LRMDA: variants seen among roughly 807,000 people sequenced by gnomAD.
LRMDA encodes the protein leucine rich melanocyte differentiation associated.
LRMDA carries 18 observed loss-of-function variants against 29.8 expected under a neutral mutation model. That is an observed-to-expected ratio of 0.60 (90% CI 0.42 to 0.90). The LOEUF (loss-of-function observed/expected upper bound fraction) is 0.90, where lower values mean the gene tolerates loss of function less well. LRMDA is among the 40% of genes least tolerant of loss of function. LRMDA has a pLI of 0.00. For missense variants in LRMDA, 273 were observed against 273.9 expected, an observed-to-expected ratio of 1.00 and a Z score of 0.02; for synonymous variants, 125 against 109.4, an observed-to-expected ratio of 1.14 and a Z score of -0.89.
At chr10:76,514,627 C>T (rs1292846024) in intron 6 of LRMDA, among the ~76,000 whole-genome samples, 1 of 152,082 alleles carries the variant, frequency 6.6e-6, no homozygotes, top group African/African-American at 2.4e-5. Flanking sequence ...CCAATTTTTG[C>T]ATTATTTGAA....
At chr10:75,699,753 C>T (rs1376454138) in intron 2 of LRMDA, among the ~76,000 whole-genome samples, 3 of 152,116 alleles carry the variant, frequency 2.0e-5, no homozygotes, top group Non-Finnish European at 4.4e-5. Context: ...TGAATGTTAC[C>T]TTATATGGAA....
intron 2 of LRMDA, among the ~76,000 whole-genome samples, chr10:75,777,167 C>G (rs573976239): frequency 6.6e-6 from 1 of 152,286 alleles, no homozygotes; most frequent in Admixed American, 6.5e-5. Context: ...GGCTGCCGAG[C>G]TGTGCAGGGC....
chr10:76,077,254 G>A (rs962926288), intron 5 of LRMDA, among the ~76,000 whole-genome samples: 3 of 152,200 alleles, frequency 2.0e-5, no homozygotes, highest in African/African-American at 7.2e-5. Context: ...CTACTTAGAG[G>A]TGATGGCGAC....
intron 5 of LRMDA, among the ~76,000 whole-genome samples, chr10:76,162,170 A>T (rs1378360478): frequency 6.6e-6 from 1 of 152,100 alleles, no homozygotes; most frequent in African/African-American, 2.4e-5. Flanking sequence ...TTACTTTGGG[A>T]TAGAATTAAA....
At chr10:76,470,883 A>G (rs997083358) in intron 6 of LRMDA, among the ~76,000 whole-genome samples, 4 of 151,972 alleles carry the variant, frequency 2.6e-5, no homozygotes, top group African/African-American at 7.2e-5. Flanking sequence ...AAATGTACCT[A>G]ACACCACTGA....
chr10:75,796,329 A>G (rs1033240215), intron 2 of LRMDA, among the ~76,000 whole-genome samples: 3 of 152,174 alleles, frequency 2.0e-5, no homozygotes, highest in African/African-American at 4.8e-5. Flanking sequence ...AAGTTCTTAC[A>G]TGCCTTTTAT....
chr10:75,625,459 C>G (rs1185164980), intron 2 of LRMDA, among the ~76,000 whole-genome samples: 1 of 152,138 alleles, frequency 6.6e-6, no homozygotes, highest in Non-Finnish European at 1.5e-5. Flanking sequence ...GAGATATTCT[C>G]AAGACTCCAG....
At chr10:75,905,134 G>C (rs192080586) in intron 2 of LRMDA, among the ~76,000 whole-genome samples, 7 of 152,192 alleles carry the variant, frequency 4.6e-5, no homozygotes, top group Admixed American at 2.6e-4. Flanking sequence ...GTTTTACTCG[G>C]CTATCTGATA....
chr10:75,828,927 G>A (rs567806383), intron 2 of LRMDA, among the ~76,000 whole-genome samples: 6 of 152,280 alleles, frequency 3.9e-5, no homozygotes, highest in East Asian at 1.9e-4. Flanking sequence ...AAACAAGGGG[G>A]TGGGAAAAGC....
intron 2 of LRMDA, among the ~76,000 whole-genome samples, chr10:75,600,113 G>A (rs559456784): frequency 6.6e-6 from 1 of 152,216 alleles, no homozygotes; most frequent in East Asian, 1.9e-4. Flanking sequence ...AGGTCTGCCA[G>A]TGTCTTTTCT....
chr10:76,463,917 A>ATTTTTTTTTTTTTTTTTTTTTTT (rs763472626), intron 6 of LRMDA, among the ~76,000 whole-genome samples: 1 of 112,884 alleles, frequency 8.9e-6, no homozygotes, highest in Non-Finnish European at 1.8e-5. Context: ...TGCAAAATAA[A>ATTTTTTTTTTTTTTTTTTTTTTT]TTTTTTTTTT....
intron 2 of LRMDA, among the ~76,000 whole-genome samples, chr10:75,989,143 G>A (rs1008586069): frequency 6.6e-6 from 1 of 152,186 alleles, no homozygotes; most frequent in East Asian, 1.9e-4. Flanking sequence ...GGTATCCCTG[G>A]CATCTGACAC....
intron 2 of LRMDA, among the ~76,000 whole-genome samples, chr10:75,692,825 C>T (rs1423732113): frequency 2.6e-5 from 4 of 152,022 alleles, no homozygotes; most frequent in Non-Finnish European, 2.9e-5. Context: ...CAGAATGCCA[C>T]GTGTGTGTGC....
chr10:75,610,403 T>G (rs1841013089), intron 2 of LRMDA, among the ~76,000 whole-genome samples: 1 of 150,954 alleles, frequency 6.6e-6, no homozygotes, highest in Non-Finnish European at 1.5e-5. Context: ...ATACACACCA[T>G]TCCTCCTCAT....
At chr10:75,592,655 T>C (rs1482216476) in intron 2 of LRMDA, among the ~76,000 whole-genome samples, 1 of 152,194 alleles carries the variant, frequency 6.6e-6, no homozygotes, top group Non-Finnish European at 1.5e-5. Context: ...CGGAGCCGCG[T>C]CTGACGCGGC....
chr10:75,764,985 C>T (rs1277467109), intron 2 of LRMDA, among the ~76,000 whole-genome samples: 1 of 150,686 alleles, frequency 6.6e-6, no homozygotes, highest in Non-Finnish European at 1.5e-5. Flanking sequence ...CATCTCTGCC[C>T]TCTTCAAGCA....
At chr10:76,483,064 A>AT (rs1373190238) in intron 6 of LRMDA, among the ~76,000 whole-genome samples, 1 of 151,894 alleles carries the variant, frequency 6.6e-6, no homozygotes, top group African/African-American at 2.4e-5. Context: ...GTCTTTGTTC[A>AT]TTTTTTAAAA....
intron 6 of LRMDA, among the ~76,000 whole-genome samples, chr10:76,401,967 A>G (rs1209052665): frequency 6.6e-6 from 1 of 152,146 alleles, no homozygotes; most frequent in Non-Finnish European, 1.5e-5. Flanking sequence ...CGGGGGAAAC[A>G]GCAAACAACA....
At chr10:75,461,333 T>C (rs1416784361) in intron 2 of LRMDA, among the ~76,000 whole-genome samples, 1 of 152,212 alleles carries the variant, frequency 6.6e-6, no homozygotes, top group Non-Finnish European at 1.5e-5. Flanking sequence ...AAGGGTTTTT[T>C]TTCCTTTGGG....
Sources: allele counts gnomAD v4.1 joint callset (sites outside exome capture counted in the v4.1 genomes callset), GRCh38; gene constraint gnomAD v4.1.1; transcripts MANE v1.5; gene names NCBI Gene and HGNC (gene_info 2026-07-23, HGNC 2026-07-21).